The following SLA variants were observed in gnomAD, a reference collection of about 807,000 sequenced individuals.
The protein encoded by SLA is src-like-adapter.
SLA carries 16 observed loss-of-function variants against 30.3 expected under a neutral mutation model. The ratio of observed to expected loss-of-function variants is 0.53; its 90% CI spans 0.36 to 0.80. The LOEUF is 0.80. SLA is among the 30% of genes least tolerant of loss of function. The probability of loss-of-function intolerance (pLI) is 0.01; values close to 1 mark genes in which losing one functional copy is unlikely to be tolerated. For missense variants in SLA, 310 were observed against 345.2 expected (o/e 0.90, Z 0.81); for synonymous variants, 143 against 137.8 (o/e 1.04, Z -0.26).
At position 133,060,147 on chromosome 8, in the gene SLA, A is replaced by T; in HGVS notation, c.14T>A (p.Met5Lys). The change falls in exon 3 of 9, where the codon ATG (methionine) becomes AAG (lysine). Residue 5 changes from methionine (M) to lysine (K), a missense_variant. Physicochemically the swap from Met to Lys is moderately conservative, Grantham distance 95 (BLOSUM62 -1). Coordinates refer to ENST00000338087, the MANE Select transcript of SLA (RefSeq NM_001045556.3). ...CTCGGCAGGCGCAGGGGTGGATTTC[A>T]TGCTGTTTCCCATTTCTTTCTTTTT... is the stretch of plus-strand genomic sequence containing the variant. MGNS[M>K]KSTPAPAERP... 6.2e-7 allele frequency: 1 copy of T among 1,612,684 alleles called. No individual in the cohort carries two copies. The highest frequency in any genetic ancestry group is 8.5e-7 in the Non-Finnish European group (1 of 1,179,516).
chr8:133,049,464 GTCGTT>G (rs1840026154), intron 5 of SLA: 1 of 286,874 alleles, frequency 3.5e-6, no homozygotes. Context: ...TATTATCCCT[GTCGTT>G]CTATGTTATG....
chr8:133,095,845 G>T (rs896550544), intron 1 of SLA, among the ~76,000 whole-genome samples: 1 of 152,240 alleles, frequency 6.6e-6, no homozygotes, highest in Non-Finnish European at 1.5e-5. Flanking sequence ...AGGCTAATTT[G>T]ATCATAGCTG....
At chr8:133,094,992 A>G in intron 1 of SLA, 1 of 1,611,272 alleles carries the variant, frequency 6.2e-7, no homozygotes, top group Non-Finnish European at 8.5e-7. Context: ...CCAGGTGAGC[A>G]GGGGCTGAAG....
chr8:133,078,796 G>A (rs1845293185), intron 1 of SLA, among the ~76,000 whole-genome samples: 1 of 152,222 alleles, frequency 6.6e-6, no homozygotes, highest in African/African-American at 2.4e-5. Flanking sequence ...TTTCGTGTAT[G>A]TATAACCTAT....
chr8:133,051,075 G>A (rs886580069), intron 3 of SLA, among the ~76,000 whole-genome samples, 160 bp from the exon 4 acceptor site: 12 of 152,214 alleles, frequency 7.9e-5, no homozygotes, highest in African/African-American at 2.4e-4. Flanking sequence ...TCTCTTCAGA[G>A]ATGGCTCTGC....
intron 3 of SLA, among the ~76,000 whole-genome samples, chr8:133,056,972 T>C (rs1841544082): frequency 6.6e-6 from 1 of 152,206 alleles, no homozygotes; most frequent in South Asian, 2.1e-4. Flanking sequence ...CCCAGGAATC[T>C]GCATTTCAGT....
intron 1 of SLA, among the ~76,000 whole-genome samples, chr8:133,095,386 A>C (rs946742208): frequency 7.9e-5 from 12 of 152,126 alleles, no homozygotes; most frequent in African/African-American, 2.7e-4. Flanking sequence ...CACAGCCTGC[A>C]ACAGTCCAAA....
At chr8:133,047,550 T>G in intron 6 of SLA, 1 of 460,312 alleles carries the variant, frequency 2.2e-6, no homozygotes, top group Non-Finnish European at 4.0e-6. Context: ...CTGCGTTCAG[T>G]TTTGTTCTCA....
chr8:133,093,788 G>T (rs146683645), intron 1 of SLA, among the ~76,000 whole-genome samples: 123 of 152,296 alleles, frequency 8.1e-4, no homozygotes, highest in Middle Eastern at 6.8e-3. Flanking sequence ...CTTCACAGTG[G>T]CTCAGTGTTT....
chr8:133,083,175 A>G (rs753746739), intron 1 of SLA, among the ~76,000 whole-genome samples: 25 of 152,358 alleles, frequency 1.6e-4, no homozygotes, highest in Non-Finnish European at 3.5e-4. Flanking sequence ...CCTGTAAAGC[A>G]TGGTACAGAT....
At chr8:133,072,471 T>C (rs941431123) in intron 2 of SLA, among the ~76,000 whole-genome samples, 2 of 152,158 alleles carry the variant, frequency 1.3e-5, no homozygotes, top group Non-Finnish European at 2.9e-5. Flanking sequence ...GATGGATAGA[T>C]AGATAGATGG....
intron 1 of SLA, among the ~76,000 whole-genome samples, chr8:133,082,350 G>A (rs73350772): frequency 0.024 from 3,686 of 152,294 alleles, 154 homozygotes; most frequent in African/African-American, 0.084. Flanking sequence ...CTGGAAAGAC[G>A]GAGGAAAAGA....
At chr8:133,046,018 C>T (rs530167625) in intron 6 of SLA, among the ~76,000 whole-genome samples, 1 of 152,262 alleles carries the variant, frequency 6.6e-6, no homozygotes, top group South Asian at 2.1e-4. Flanking sequence ...GTAAGAACCA[C>T]GTGAAAGGCG....
At chr8:133,069,017 A>C (rs760258937) in intron 2 of SLA, among the ~76,000 whole-genome samples, 1 of 152,252 alleles carries the variant, frequency 6.6e-6, no homozygotes, top group African/African-American at 2.4e-5. Flanking sequence ...TGGTAAAGAC[A>C]ATTATTTTAA....
chr8:133,056,689 C>T (rs193023257), intron 3 of SLA, among the ~76,000 whole-genome samples: 64 of 152,304 alleles, frequency 4.2e-4, no homozygotes, highest in African/African-American at 1.9e-4. Context: ...CTGTGAGAAT[C>T]GAGTCTGCAT....
intron 3 of SLA, among the ~76,000 whole-genome samples, chr8:133,055,355 ACGCACGCGCG>A (rs1426540559): frequency 9.0e-5 from 6 of 66,604 alleles, no homozygotes; most frequent in Admixed American, 5.8e-4. Flanking sequence ...GGACACACAC[ACGCACGCGCG>A]CACACACACA....
intron 1 of SLA, among the ~76,000 whole-genome samples, chr8:133,100,033 A>G (rs938736446): frequency 4.6e-5 from 7 of 152,192 alleles, no homozygotes; most frequent in African/African-American, 1.7e-4. Context: ...GGAAAATTCC[A>G]GTCTTCTATG....
At chr8:133,047,954 C>T in intron 5 of SLA, 21 bp from the exon 6 acceptor site, 1 of 1,484,572 alleles carries the variant, frequency 6.7e-7, no homozygotes, top group Non-Finnish European at 9.4e-7. Context: ...GGAAGACAGC[C>T]ATTAGGATCC....
chr8:133,099,513 T>G (rs905832759), intron 1 of SLA, among the ~76,000 whole-genome samples: 2 of 152,188 alleles, frequency 1.3e-5, no homozygotes, highest in African/African-American at 2.4e-5. Context: ...TCCTGGACTT[T>G]TCCCTTGAAC....
Sources: gnomAD v4.1 joint callset for allele counts (sites outside exome capture counted in the v4.1 genomes callset) on GRCh38, gnomAD v4.1.1 for gene constraint, MANE v1.5 for transcripts, NCBI Gene and HGNC (gene_info 2026-07-23, HGNC 2026-07-21) for gene names.